RIT2: variants seen among roughly 807,000 people sequenced by gnomAD.
The protein encoded by RIT2 is GTP-binding protein Rit2.
Under a neutral mutation model 23.7 loss-of-function variants are expected in RIT2, and 24 were observed. That is an observed-to-expected ratio of 1.01 (90% CI 0.73 to 1.43). The LOEUF (loss-of-function observed/expected upper bound fraction) is 1.43, where lower values mean the gene tolerates loss of function less well. RIT2 is among the 40% of genes most tolerant of loss of function. RIT2 has a pLI of 0.00. For missense variants in RIT2, 236 were observed against 266.9 expected, an observed-to-expected ratio of 0.88 and a Z score of 0.81; for synonymous variants, 107 against 91.1, an observed-to-expected ratio of 1.17 and a Z score of -0.99.
At chr18:43,089,466 A>T (rs1441588300) in intron 1 of RIT2, among the ~76,000 whole-genome samples, 1 of 152,060 alleles carries the variant, frequency 6.6e-6, no homozygotes, top group African/African-American at 2.4e-5. Flanking sequence ...GGTCATGGAT[A>T]GAAAGAATCA....
chr18:42,885,534 C>A (rs760694567), intron 4 of RIT2, among the ~76,000 whole-genome samples: 1 of 151,960 alleles, frequency 6.6e-6, no homozygotes. Context: ...TGCAGTGAGC[C>A]GAGATCGTGC....
intron 2 of RIT2, among the ~76,000 whole-genome samples, chr18:42,997,520 C>T (rs986587838): frequency 6.6e-6 from 1 of 151,570 alleles, no homozygotes; most frequent in Non-Finnish European, 1.5e-5. Flanking sequence ...ACTTGGAGTT[C>T]TTACCTGATT....
intron 4 of RIT2, among the ~76,000 whole-genome samples, chr18:42,894,701 CA>C: frequency 6.6e-6 from 1 of 152,176 alleles, no homozygotes; most frequent in East Asian, 1.9e-4. Flanking sequence ...AGACACTTTA[CA>C]GCTACAATTA....
chr18:42,946,918 AT>A (rs1349680239), intron 3 of RIT2, among the ~76,000 whole-genome samples: 2 of 152,010 alleles, frequency 1.3e-5, no homozygotes, highest in Non-Finnish European at 2.9e-5. Context: ...AAAAGAAGAT[AT>A]TTTTTCTTTC....
intron 4 of RIT2, among the ~76,000 whole-genome samples, chr18:42,755,894 T>C (rs575494991): frequency 1.6e-4 from 25 of 152,274 alleles, no homozygotes; most frequent in Admixed American, 2.0e-4. Context: ...CCTGTCTTAG[T>C]GGTTCTCAGC....
chr18:42,962,413 A>C (rs1234785695), intron 3 of RIT2, among the ~76,000 whole-genome samples: 3 of 152,212 alleles, frequency 2.0e-5, no homozygotes, highest in Non-Finnish European at 4.4e-5. Context: ...ATGCATTTTA[A>C]ATTCCCATTA....
Position 42,962,722 on chromosome 18 carries a change from T to C in RIT2, c.234+11352A>G, listed in dbSNP as rs1910120508. Among the ~76,000 whole-genome samples, 2 of 152,206 alleles carry C rather than the reference T, an allele frequency of 1.3e-5. 1 individual carries two copies. The highest frequency in any genetic ancestry group is 4.1e-4 in the South Asian group (2 of 4,830). Reference sequence around the variant, plus strand: ...CTTAGTGGAGGGACTCCATTTAGTTTCAAACCGTCATTCTAAAATAGACCC... The same window carrying C: ...CTTAGTGGAGGGACTCCATTTAGTTCCAAACCGTCATTCTAAAATAGACCC... On this transcript the variant is annotated intron_variant, in intron 3 of 4. Transcript: ENST00000326695.
chr18:43,057,798 C>CTTTTTTTTTTTTTTTTTTTTTTTTT lies in RIT2; in HGVS notation c.104-23932_104-23931insAAAAAAAAAAAAAAAAAAAAAAAAA, dbSNP rs11393575. On this transcript the variant is annotated intron_variant, in intron 1 of 4. Transcript: ENST00000326695. ...GAGCTAATCTTCCAAGTGATGGACACTTTTTTTTTTTTTTTTTATCATCTA... is the reference window on the plus strand; with the variant it reads ...GAGCTAATCTTCCAAGTGATGGACACTTTTTTTTTTTTTTTTTTTTTTTTTTTTTTTTTTTTTTTTTTATCATCTA... Among the ~76,000 whole-genome samples the CTTTTTTTTTTTTTTTTTTTTTTTTT allele has an allele frequency of 3.1e-4, 38 of 122,664 alleles. 1 individual carries two copies. The highest frequency in any genetic ancestry group is 4.6e-4 in the African/African-American group (15 of 32,960). The allele number at this position is 122,664 out of a possible 152,430, so 80.5% of individuals were successfully genotyped here. A position where few individuals can be genotyped will look rare whatever the true frequency, so the allele number is the denominator to read the frequency against.
At chr18:43,080,718 A>G (rs1371091303) in intron 1 of RIT2, among the ~76,000 whole-genome samples, 5 of 152,172 alleles carry the variant, frequency 3.3e-5, no homozygotes, top group African/African-American at 1.2e-4. Flanking sequence ...GGAAATTCTT[A>G]AATCTCCCAA....
chr18:43,094,964 A>T (rs532920916), intron 1 of RIT2, among the ~76,000 whole-genome samples: 201 of 152,148 alleles, frequency 1.3e-3, no homozygotes, highest in African/African-American at 4.3e-3. Context: ...TCTATCATTG[A>T]CAGACATTTG....
At chr18:42,782,486 GA>G (rs766666621) in intron 4 of RIT2, among the ~76,000 whole-genome samples, 5 of 152,028 alleles carry the variant, frequency 3.3e-5, no homozygotes, top group African/African-American at 4.8e-5. Flanking sequence ...CAAGATGATT[GA>G]TAGAAAGATA....
intron 4 of RIT2, among the ~76,000 whole-genome samples, chr18:42,918,577 C>T (rs1908972956): frequency 1.3e-5 from 2 of 151,998 alleles, no homozygotes; most frequent in African/African-American, 4.8e-5. Flanking sequence ...TAATTAAGCA[C>T]TACTCTTATT....
intron 4 of RIT2, among the ~76,000 whole-genome samples, chr18:42,861,654 A>C (rs1907331265): frequency 6.6e-6 from 1 of 152,214 alleles, no homozygotes; most frequent in Non-Finnish European, 1.5e-5. Context: ...CACTAGATTA[A>C]CAAATTGATA....
intron 4 of RIT2, among the ~76,000 whole-genome samples, chr18:42,869,219 C>CTAA (rs1907552804): frequency 2.0e-5 from 3 of 152,170 alleles, no homozygotes; most frequent in Admixed American, 2.0e-4. Context: ...TCATATCAGG[C>CTAA]GTTAGATTCT....
At chr18:42,941,136 G>C (rs1909590659) in intron 3 of RIT2, among the ~76,000 whole-genome samples, 1 of 152,100 alleles carries the variant, frequency 6.6e-6, no homozygotes, top group South Asian at 2.1e-4. Context: ...GGGAAGAAGG[G>C]ATATCCAGAC....
At chr18:43,051,348 T>C (rs1381293932) in intron 1 of RIT2, among the ~76,000 whole-genome samples, 2 of 152,090 alleles carry the variant, frequency 1.3e-5, no homozygotes, top group Non-Finnish European at 2.9e-5. Flanking sequence ...GAATAGATAC[T>C]ACAGAAGAGA....
At chr18:43,080,237 AC>A (rs1325512251) in intron 1 of RIT2, among the ~76,000 whole-genome samples, 2 of 152,138 alleles carry the variant, frequency 1.3e-5, no homozygotes, top group Non-Finnish European at 2.9e-5. Flanking sequence ...CAGCTCATCA[AC>A]CCTGCAAAGG....
At chr18:43,036,043 A>G (rs1337760199) in intron 1 of RIT2, among the ~76,000 whole-genome samples, 4 of 152,240 alleles carry the variant, frequency 2.6e-5, no homozygotes, top group Admixed American at 6.5e-5. Flanking sequence ...GAAGCAATAG[A>G]AAGAACTGTT....
intron 4 of RIT2, among the ~76,000 whole-genome samples, chr18:42,874,794 G>A (rs1252962548): frequency 6.6e-6 from 1 of 151,986 alleles, no homozygotes; most frequent in African/African-American, 2.4e-5. Context: ...TGAAGATCTA[G>A]TGATGTAATT....
Sources: gnomAD v4.1 joint callset for allele counts (sites outside exome capture counted in the v4.1 genomes callset) on GRCh38, gnomAD v4.1.1 for gene constraint, MANE v1.5 for transcripts, NCBI Gene and HGNC (gene_info 2026-07-23, HGNC 2026-07-21) for gene names.